The following DCC variants were observed in gnomAD, a reference collection of about 807,000 sequenced individuals.
DCC encodes netrin receptor DCC.
Under a neutral mutation model 172.5 loss-of-function variants are expected in DCC, and 58 were observed. The observed-to-expected ratio is 0.34, with a 90% CI of 0.27 to 0.42. The LOEUF is 0.42. Among genes scored for constraint, DCC ranks in the 10% least tolerant of loss-of-function variants. The pLI is 1.00. For missense variants in DCC, 1,740 were observed against 1,791.0 expected (o/e 0.97, Z 0.51); for synonymous variants, 709 against 644.5 (o/e 1.10, Z -1.52).
chr18:52,618,295 T>C (rs897442735), intron 1 of DCC, among the ~76,000 whole-genome samples: 1 of 152,152 alleles, frequency 6.6e-6, no homozygotes, highest in African/African-American at 2.4e-5. Context: ...AATCAACAAA[T>C]TTGTTTTTAA....
At chr18:53,003,694 G>T (rs1349439084) in intron 5 of DCC, among the ~76,000 whole-genome samples, 1 of 152,010 alleles carries the variant, frequency 6.6e-6, no homozygotes, top group Non-Finnish European at 1.5e-5. Context: ...GGGAGGAAAA[G>T]GAGACTTTTC....
intron 1 of DCC, among the ~76,000 whole-genome samples, chr18:52,501,129 G>T (rs996391101): frequency 6.6e-6 from 1 of 152,104 alleles, no homozygotes; most frequent in Non-Finnish European, 1.5e-5. Context: ...ATCTTCGCAC[G>T]TTGGTAATTT....
chr18:52,910,871 T>C (rs1385818420), intron 3 of DCC, among the ~76,000 whole-genome samples: 1 of 152,130 alleles, frequency 6.6e-6, no homozygotes. Context: ...AAGAAATAAA[T>C]TGGACTAAAA....
intron 9 of DCC, among the ~76,000 whole-genome samples, chr18:53,200,895 C>T (rs1009384922): frequency 3.3e-5 from 5 of 152,190 alleles, no homozygotes; most frequent in Admixed American, 6.5e-5. Context: ...GCTTCTCTTC[C>T]GTGCCACACT....
chr18:53,129,135 C>T (rs2043614714), intron 7 of DCC, among the ~76,000 whole-genome samples: 1 of 151,918 alleles, frequency 6.6e-6, no homozygotes, highest in African/African-American at 2.4e-5. Context: ...GATCTTCACA[C>T]CTCAGCCTCC....
At chr18:52,473,860 T>C (rs1490421575) in intron 1 of DCC, among the ~76,000 whole-genome samples, 1 of 152,032 alleles carries the variant, frequency 6.6e-6, no homozygotes, top group Non-Finnish European at 1.5e-5. Context: ...GGCCCTAGAC[T>C]CAATCCCTCC....
intron 1 of DCC, among the ~76,000 whole-genome samples, chr18:52,635,170 G>A (rs1166819840): frequency 6.6e-6 from 1 of 152,076 alleles, no homozygotes; most frequent in Non-Finnish European, 1.5e-5. Context: ...TCATTGTCAG[G>A]AAATGTTATA....
chr18:53,471,452 A>T (rs1324543115), intron 25 of DCC, among the ~76,000 whole-genome samples: 1 of 152,134 alleles, frequency 6.6e-6, no homozygotes, highest in African/African-American at 2.4e-5. Flanking sequence ...TTTACAGTCA[A>T]TTCTCTACAC....
chr18:52,577,611 T>C (rs889749099), intron 1 of DCC, among the ~76,000 whole-genome samples: 2 of 152,208 alleles, frequency 1.3e-5, no homozygotes, highest in Non-Finnish European at 2.9e-5. Context: ...GACAGTTCTT[T>C]TTTCTTATCT....
intron 12 of DCC, among the ~76,000 whole-genome samples, chr18:53,227,676 T>C (rs1387820402): frequency 6.6e-6 from 1 of 152,168 alleles, no homozygotes; most frequent in Non-Finnish European, 1.5e-5. Context: ...TAAGAACATA[T>C]TATGTATCTA....
chr18:53,113,898 A>G lies in DCC; in HGVS notation c.1262-43458A>G, dbSNP rs1598815233. The stretch of plus-strand genomic sequence containing the variant: ...ATGTAATCTTAACTAAGCCTTGCCA[A>G]TGATGTTTTAATTATACCTTTACTA... On this transcript the variant is annotated intron_variant, in intron 7 of 28. Transcript: ENST00000442544. Among the ~76,000 whole-genome samples the G allele has an allele frequency of 3.3e-5, 5 of 151,384 alleles. No homozygotes were observed. In the South Asian group the frequency reaches 1.0e-3, roughly 31 times the overall value.
At chr18:52,982,619 A>C (rs1480693191) in intron 5 of DCC, among the ~76,000 whole-genome samples, 1 of 152,070 alleles carries the variant, frequency 6.6e-6, no homozygotes, top group Non-Finnish European at 1.5e-5. Context: ...ACTAGATGCC[A>C]CTAGCATCCT....
rs76263692 is a variant in DCC at position 53,186,970 on chromosome 18, G to T, written c.1573+7854G>T. The stretch of plus-strand genomic sequence containing the variant: ...CTGTTCCCTCTAGCCCTCTTATAAG[G>T]ACTAATCTCTTCATGAGGGTAGAGC... On this transcript the variant is annotated intron_variant, in intron 9 of 28. Coordinates refer to ENST00000442544, the MANE Select transcript of DCC (RefSeq NM_005215.4). Among the ~76,000 whole-genome samples, 24 of 152,118 alleles carry T rather than the reference G, an allele frequency of 1.6e-4. No homozygotes were observed. In the East Asian group the frequency reaches 4.5e-3, roughly 28 times the overall value.
intron 5 of DCC, among the ~76,000 whole-genome samples, chr18:53,017,745 A>G (rs1410130321): frequency 1.3e-5 from 2 of 152,200 alleles, no homozygotes; most frequent in Non-Finnish European, 2.9e-5. Flanking sequence ...CAGATCTCCT[A>G]AAATTCATCC....
chr18:52,784,905 AGGGGGAGAGAGAGAGAGAAGAGAAG>A (rs768817900), intron 2 of DCC, among the ~76,000 whole-genome samples: 111 of 141,258 alleles, frequency 7.9e-4, no homozygotes, highest in Non-Finnish European at 1.4e-3. Flanking sequence ...AGGGAGGTGG[AGGGGGAGAGAGAGAGAGAAGAGAAG>A]GGGGGAGAGA....
chr18:53,416,625 T>A (rs1910326813), intron 21 of DCC: 1 of 204,000 alleles, frequency 4.9e-6, no homozygotes, highest in African/African-American at 2.3e-5. Context: ...TCACCTTTTT[T>A]AGGGCATTAT....
chr18:53,343,287 G>C (rs2057683728), intron 15 of DCC, among the ~76,000 whole-genome samples: 1 of 151,866 alleles, frequency 6.6e-6, no homozygotes. Flanking sequence ...CATGAAATAG[G>C]TTATTACCTC....
chr18:52,439,075 C>G (rs533762213), intron 1 of DCC, among the ~76,000 whole-genome samples: 1 of 151,606 alleles, frequency 6.6e-6, no homozygotes, highest in Admixed American at 6.6e-5. Flanking sequence ...AAGGTAAATT[C>G]GAAATTAATA....
chr18:52,598,923 G>A (rs979728667), intron 1 of DCC, among the ~76,000 whole-genome samples: 4 of 152,142 alleles, frequency 2.6e-5, no homozygotes, highest in African/African-American at 9.7e-5. Flanking sequence ...TGGCAGAAGG[G>A]CAAGAGAAAC....
Sources: allele counts gnomAD v4.1 joint callset (sites outside exome capture counted in the v4.1 genomes callset), GRCh38; gene constraint gnomAD v4.1.1; transcripts MANE v1.5; gene names NCBI Gene and HGNC (gene_info 2026-07-23, HGNC 2026-07-21).